Variants in SLC9A9 observed in about 807,000 individuals in gnomAD.
The protein encoded by SLC9A9 is solute carrier family 9 member A9.
Under a neutral mutation model 77.8 loss-of-function variants are expected in SLC9A9, and 62 were observed. The observed-to-expected ratio is 0.80, with a 90% CI of 0.65 to 0.98. The LOEUF is 0.98. Ranked by LOEUF, SLC9A9 falls within the 50% of genes least tolerant of loss-of-function variation. The pLI is 0.00. For missense variants in SLC9A9, 775 were observed against 774.9 expected (o/e 1.00, Z 0.00); for synonymous variants, 320 against 283.5 (o/e 1.13, Z -1.29).
rs886751149 is a variant in SLC9A9, at chr3:143,358,567, T to C, written c.1604+4917A>G. On this transcript the variant is annotated intron_variant, in intron 14 of 15. Transcript: ENST00000316549. ...TTATACACACGTTTAAGGGGAGAGATGGTAAATGAGAGAATGGAAAGAGAC... is the reference window on the plus strand; with the variant it reads ...TTATACACACGTTTAAGGGGAGAGACGGTAAATGAGAGAATGGAAAGAGAC... Among the ~76,000 whole-genome samples, 3 of 152,094 alleles carry C rather than the reference T, an allele frequency of 2.0e-5. No homozygotes were observed. In the East Asian group the frequency reaches 5.8e-4, roughly 29 times the overall value.
At chr3:143,712,816 A>G (rs1934233500) in intron 4 of SLC9A9, among the ~76,000 whole-genome samples, 1 of 152,210 alleles carries the variant, frequency 6.6e-6, no homozygotes, top group African/African-American at 2.4e-5. Flanking sequence ...AAAGAAACAT[A>G]TGTGTGTTTT....
chr3:143,691,498 C>T (rs971917888), intron 5 of SLC9A9, among the ~76,000 whole-genome samples: 28 of 152,134 alleles, frequency 1.8e-4, no homozygotes, highest in African/African-American at 6.5e-4. Flanking sequence ...TGACATCAGG[C>T]AAGGCTATTC....
chr3:143,686,513 A>G (rs951769169), intron 5 of SLC9A9, among the ~76,000 whole-genome samples: 1 of 152,108 alleles, frequency 6.6e-6, no homozygotes, highest in Admixed American at 6.6e-5. Flanking sequence ...AGTTGAGCAT[A>G]GACCTGAAGA....
rs532235620 is a variant in SLC9A9 at position 143,606,159 on chromosome 3, C to T, written c.756-27436G>A. On this transcript the variant is annotated intron_variant, in intron 6 of 15. Transcript: ENST00000316549. ...TCAGGTCTGTAATCCTAGCACAGCACGTTGGGAGGCTGAGGTGGGTGGACC... is the reference window on the plus strand; with the variant it reads ...TCAGGTCTGTAATCCTAGCACAGCATGTTGGGAGGCTGAGGTGGGTGGACC... Among the ~76,000 whole-genome samples, 13 of 145,692 alleles carry T rather than the reference C, an allele frequency of 8.9e-5. No homozygotes were observed. The East Asian group carries it at 2.4e-3, about 27-fold the overall frequency.
chr3:143,578,207 C>G (rs6801430), intron 7 of SLC9A9, among the ~76,000 whole-genome samples: 9,293 of 152,218 alleles, frequency 0.061, 414 homozygotes, highest in African/African-American at 0.11. Context: ...ATTTATCACC[C>G]TTAATCAATT....
At chr3:143,411,368 C>T (rs1215898349) in intron 12 of SLC9A9, among the ~76,000 whole-genome samples, 1 of 152,158 alleles carries the variant, frequency 6.6e-6, no homozygotes. Flanking sequence ...CTGCTTTTGG[C>T]TTACCACTTT....
intron 6 of SLC9A9, among the ~76,000 whole-genome samples, chr3:143,638,967 G>A (rs550048016): frequency 6.6e-6 from 1 of 152,316 alleles, no homozygotes; most frequent in East Asian, 1.9e-4. Context: ...ATTGCATATT[G>A]ATTTGGCCCC....
intron 12 of SLC9A9, among the ~76,000 whole-genome samples, chr3:143,423,290 G>A: frequency 1.3e-5 from 1 of 79,658 alleles, no homozygotes; most frequent in Admixed American, 1.3e-4. Flanking sequence ...CACACACACA[G>A]AGTTCCTAAT....
At chr3:143,582,816 A>G (rs2037479281) in intron 6 of SLC9A9, among the ~76,000 whole-genome samples, 2 of 152,300 alleles carry the variant, frequency 1.3e-5, no homozygotes, top group East Asian at 1.9e-4. Context: ...TTCTATAAGC[A>G]AAGTCCTCTG....
At chr3:143,476,769 C>T (rs560866889) in intron 11 of SLC9A9, among the ~76,000 whole-genome samples, 69 of 152,276 alleles carry the variant, frequency 4.5e-4, no homozygotes, top group African/African-American at 1.6e-3. Flanking sequence ...GAATATATGG[C>T]ACTGTCTGGA....
intron 12 of SLC9A9, among the ~76,000 whole-genome samples, chr3:143,407,514 C>T (rs1285449829): frequency 6.6e-6 from 1 of 152,112 alleles, no homozygotes; most frequent in African/African-American, 2.4e-5. Context: ...TGTAATATCC[C>T]ACGTTTTTAA....
In SLC9A9 at chr3:143,455,223, G is replaced by T. The variant is rs537360416; in HGVS notation, c.1469+11814C>A. ...TGTTAACCTTTACAAAAATCAATAC[G>T]CCATAGTTGTGTAGGTCTATTTATG... On this transcript the variant is annotated intron_variant, in intron 12 of 15. Coordinates refer to ENST00000316549, the MANE Select transcript of SLC9A9 (RefSeq NM_173653.4). Among the ~76,000 whole-genome samples the T allele has an allele frequency of 3.3e-4, 50 of 152,242 alleles. 1 individual carries two copies. Among genetic ancestry groups the T allele is most frequent in the African/African-American group, 1.1e-3 (46 of 41,562 alleles).
chr3:143,787,379 T>C (rs890059525), intron 4 of SLC9A9, among the ~76,000 whole-genome samples: 2 of 152,240 alleles, frequency 1.3e-5, no homozygotes, highest in Non-Finnish European at 2.9e-5. Flanking sequence ...TTTCTTTTCA[T>C]TCCATTCTTT....
intron 11 of SLC9A9, among the ~76,000 whole-genome samples, chr3:143,473,366 A>T (rs552437155): frequency 6.6e-6 from 1 of 152,280 alleles, no homozygotes; most frequent in East Asian, 1.9e-4. Flanking sequence ...TCTCACTCAG[A>T]ACCCCACCCT....
chr3:143,508,090 GT>G (rs1007311341), intron 9 of SLC9A9, among the ~76,000 whole-genome samples: 5 of 152,096 alleles, frequency 3.3e-5, no homozygotes, highest in African/African-American at 1.2e-4. Context: ...TTCTAATTAT[GT>G]TTTTTTAAGG....
At chr3:143,731,430 T>C (rs17651016) in intron 4 of SLC9A9, among the ~76,000 whole-genome samples, 8,240 of 152,300 alleles carry the variant, frequency 0.054, 285 homozygotes, top group Middle Eastern at 0.075. Context: ...ATAGTGCTTC[T>C]GCTTAGCTAT....
At chr3:143,744,761 T>C (rs1181587695) in intron 4 of SLC9A9, among the ~76,000 whole-genome samples, 20 of 152,168 alleles carry the variant, frequency 1.3e-4, no homozygotes. Flanking sequence ...AAATGAATAA[T>C]GATTAAGTCT....
chr3:143,516,898 T>A (rs931570649), intron 9 of SLC9A9, among the ~76,000 whole-genome samples: 9 of 152,298 alleles, frequency 5.9e-5, no homozygotes, highest in African/African-American at 1.9e-4. Flanking sequence ...GAATATCTGC[T>A]TTCCTAAAAC....
intron 4 of SLC9A9, among the ~76,000 whole-genome samples, chr3:143,786,145 G>A (rs1262948746): frequency 3.3e-5 from 5 of 152,016 alleles, no homozygotes; most frequent in African/African-American, 9.7e-5. Context: ...GTGAGCCACC[G>A]CGCCCGGCCA....
Sources: gnomAD v4.1 joint callset for allele counts (sites outside exome capture counted in the v4.1 genomes callset) on GRCh38, gnomAD v4.1.1 for gene constraint, MANE v1.5 for transcripts, NCBI Gene and HGNC (gene_info 2026-07-23, HGNC 2026-07-21) for gene names.